Variants in LEF1 observed in about 807,000 individuals in gnomAD.
LEF1 encodes lymphoid enhancer binding factor 1.
In LEF1, 14 loss-of-function variants were observed where a neutral mutation model predicts 51.2. The observed-to-expected ratio is 0.27, with a 90% CI of 0.18 to 0.43. The LOEUF is 0.43. LEF1 is among the 20% of genes least tolerant of loss of function. LEF1 has a pLI of 1.00. For missense variants in LEF1, 386 were observed against 512.0 expected (o/e 0.75, Z 2.37); for synonymous variants, 185 against 183.2 (o/e 1.01, Z -0.08).
intron 3 of LEF1, among the ~76,000 whole-genome samples, chr4:108,157,874 T>C (rs1425111908): frequency 2.6e-5 from 4 of 152,236 alleles, no homozygotes; most frequent in Admixed American, 2.0e-4. Flanking sequence ...ATTATACAAA[T>C]GCACTCTTTT....
intron 11 of LEF1, among the ~76,000 whole-genome samples, chr4:108,056,383 C>T (rs116037875): frequency 7.0e-4 from 107 of 152,298 alleles, no homozygotes; most frequent in Admixed American, 2.2e-3. Flanking sequence ...CCACAAGATG[C>T]TCCTATATCC....
intron 3 of LEF1, among the ~76,000 whole-genome samples, chr4:108,139,208 C>T (rs922167): frequency 0.27 from 41,466 of 152,056 alleles, 6,517 homozygotes; most frequent in East Asian, 0.64. Context: ...GTGGAAGCGG[C>T]TCTGCCATTT....
At chr4:108,161,989 A>C (rs2110419657) in intron 3 of LEF1, among the ~76,000 whole-genome samples, 1 of 152,298 alleles carries the variant, frequency 6.6e-6, no homozygotes, top group South Asian at 2.1e-4. Flanking sequence ...TTAAAGAGAT[A>C]TCTATATATT....
At chr4:108,092,132 T>C (rs1740065920) in intron 3 of LEF1, among the ~76,000 whole-genome samples, 1 of 152,218 alleles carries the variant, frequency 6.6e-6, no homozygotes. Context: ...TAAATTATGC[T>C]ATCCTTGCTC....
intron 2 of LEF1, among the ~76,000 whole-genome samples, chr4:108,164,360 T>C (rs1410784316): frequency 1.3e-5 from 2 of 152,160 alleles, no homozygotes; most frequent in African/African-American, 2.4e-5. Flanking sequence ...GCCTAATATA[T>C]AATTCTCTTC....
At position 108,085,233 on chromosome 4, in the gene LEF1, C is replaced by T. The variant is rs145122530; in HGVS notation, c.548-1787G>A. 3.2e-3 allele frequency among the ~76,000 whole-genome samples: 488 copies of T among 152,264 alleles called. 5 individuals are homozygous for T. The highest frequency in any genetic ancestry group is 0.011 in the African/African-American group (458 of 41,548). On this transcript the variant is annotated intron_variant, in intron 4 of 11. Coordinates refer to ENST00000265165, the MANE Select transcript of LEF1 (RefSeq NM_016269.5). ...CCTCCTGAGTAGCCAGGTATATAGG[C>T]GCGTGCCACCATGCCCAATTTTATA...
intron 3 of LEF1, among the ~76,000 whole-genome samples, chr4:108,104,235 G>A (rs572910511): frequency 2.0e-3 from 311 of 151,958 alleles, no homozygotes; most frequent in Non-Finnish European, 3.0e-3. Context: ...TAGATGAGGG[G>A]TTGCCAGGGG....
In LEF1 at chr4:108,079,592, C is replaced by T. The variant is rs146861754; in HGVS notation, c.745G>A (p.Gly249Ser). The change falls in exon 7 of 12, where the codon GGT (glycine) becomes AGT (serine). Residue 249 changes from glycine (G) to serine (S), a missense_variant. Gly to Ser is a moderately conservative substitution (Grantham distance 56). Around this residue, in one of 2 missense-constraint regions of LEF1, gnomAD observed 335 missense variants for 390.7 expected, o/e 0.86. Transcript: ENST00000265165. ...MSRFSHHMIPGPPGPHTTGIP... is the reference protein window; with the variant it reads ...MSRFSHHMIPSPPGPHTTGIP... The stretch of plus-strand genomic sequence containing the variant: ...CCAGTTGTGTGGGGACCAGGAGGAC[C>T]GGGAATCATATGATGGGAAAACCTG... 35 of 1,613,652 alleles carry T rather than the reference C, an allele frequency of 2.2e-5. No homozygotes were observed. The Middle Eastern group carries it at 6.6e-4, about 30-fold the overall frequency.
chr4:108,155,233 A>T (rs551028728), intron 3 of LEF1, among the ~76,000 whole-genome samples: 57 of 152,296 alleles, frequency 3.7e-4, no homozygotes, highest in African/African-American at 1.3e-3. Context: ...TTTCATATCA[A>T]ATATTAGAAG....
chr4:108,123,720 A>G lies in LEF1; in HGVS notation c.415-34463T>C, dbSNP rs140337360. 7.7e-3 allele frequency among the ~76,000 whole-genome samples: 1,173 copies of G among 152,192 alleles called. 15 individuals are homozygous for G. Among genetic ancestry groups the G allele is most frequent in the African/African-American group, 0.026 (1,075 of 41,532 alleles). On this transcript the variant is annotated intron_variant, in intron 3 of 11. Transcript: ENST00000265165. The stretch of plus-strand genomic sequence containing the variant: ...GTGTGTGTGAGTAAAATGTATCTCC[A>G]TATTTTTAGTTTACTTCAGCAGATG...
intron 3 of LEF1, among the ~76,000 whole-genome samples, chr4:108,115,957 G>A (rs1741815048): frequency 6.6e-6 from 1 of 151,800 alleles, no homozygotes; most frequent in Admixed American, 6.6e-5. Context: ...TCCCTCTACT[G>A]AGGAGCAGTT....
At chr4:108,164,741 G>C (rs193002077) in intron 2 of LEF1, among the ~76,000 whole-genome samples, 2 of 152,066 alleles carry the variant, frequency 1.3e-5, no homozygotes, top group Admixed American at 6.5e-5. Flanking sequence ...AAAATAAATC[G>C]ATATATACTG....
chr4:108,064,248 A>G (rs1737900130), intron 10 of LEF1, 88 bp downstream of exon 10: 2 of 802,324 alleles, frequency 2.5e-6, no homozygotes, highest in African/African-American at 3.5e-5. Flanking sequence ...CAGTCACAGA[A>G]GAAAGCAGTG....
intron 5 of LEF1, among the ~76,000 whole-genome samples, chr4:108,082,432 A>G (rs1739369836): frequency 6.6e-6 from 1 of 152,152 alleles, no homozygotes. Flanking sequence ...GAGAGAGAGA[A>G]AAAGAGAGAA....
At chr4:108,110,154 C>T (rs935826510) in intron 3 of LEF1, among the ~76,000 whole-genome samples, 7 of 152,124 alleles carry the variant, frequency 4.6e-5, no homozygotes, top group African/African-American at 1.4e-4. Flanking sequence ...AACAGTTTTC[C>T]AAGTAGAAAA....
In LEF1 at chr4:108,138,147, T is replaced by C. The variant is rs535105643; in HGVS notation, c.414+25421A>G. On this transcript the variant is annotated intron_variant, in intron 3 of 11. Transcript: ENST00000265165. The stretch of plus-strand genomic sequence containing the variant: ...TGGACTCAGTTCTTTCCTCCACCCA[T>C]GGCCTCTACTCGGGGAGCTGGTCAA... Among the ~76,000 whole-genome samples the C allele has an allele frequency of 5.3e-5, 8 of 152,312 alleles. No homozygotes were observed. The South Asian group carries it at 1.0e-3, about 20-fold the overall frequency.
chr4:108,152,893 G>T lies in LEF1; in HGVS notation c.414+10675C>A, dbSNP rs559117921. Among the ~76,000 whole-genome samples, 15 of 152,334 alleles carry T rather than the reference G, an allele frequency of 9.8e-5. No individual in the cohort carries two copies. In the South Asian group the frequency reaches 2.5e-3, roughly 25 times the overall value. On this transcript the variant is annotated intron_variant, in intron 3 of 11. Transcript: ENST00000265165. ...GTGAACACACATCTAGTCAGTAGCA[G>T]AGTGGTAGCATCTAGGTATATGGAC...
At chr4:108,081,794 C>T (rs1163898733) in intron 5 of LEF1, 125 bp from the exon 6 acceptor site, 18 of 685,672 alleles carry the variant, frequency 2.6e-5, no homozygotes, top group Admixed American at 7.2e-5. Flanking sequence ...TTACAGACCC[C>T]GGGATTGTTT....
chr4:108,109,336 C>T (rs1021059877), intron 3 of LEF1, among the ~76,000 whole-genome samples: 6 of 152,116 alleles, frequency 3.9e-5, no homozygotes, highest in African/African-American at 1.4e-4. Context: ...CCTAGAAAGG[C>T]CTCTAAAAAT....
Sources: gnomAD v4.1 joint callset for allele counts (sites outside exome capture counted in the v4.1 genomes callset) on GRCh38, gnomAD v4.1.1 for gene constraint, gnomAD v4.1.1 regional missense constraint, MANE v1.5 for transcripts, NCBI Gene and HGNC (gene_info 2026-07-23, HGNC 2026-07-21) for gene names.